The following WDR41 variants were observed in gnomAD, a reference collection of about 807,000 sequenced individuals.
The protein encoded by WDR41 is WD repeat-containing protein 41.
WDR41 carries 63 observed loss-of-function variants against 69.3 expected under a neutral mutation model. The ratio of observed to expected loss-of-function variants is 0.91; its 90% confidence interval spans 0.74 to 1.12. WDR41 has a LOEUF of 1.12. WDR41 is among the 50% of genes most tolerant of loss of function. The probability of loss-of-function intolerance (pLI) is 0.00; values close to 1 mark genes in which losing one functional copy is unlikely to be tolerated. For synonymous variants in WDR41, 185 were observed against 192.1 expected (o/e 0.96, Z 0.31); for missense variants, 543 against 534.5 (o/e 1.02, Z -0.16).
At chr5:77,593,457 CAGG>C (rs1744167158) in intron 1 of WDR41, among the ~76,000 whole-genome samples, 1 of 151,878 alleles carries the variant, frequency 6.6e-6, no homozygotes, top group Non-Finnish European at 1.5e-5. Context: ...TGTCCAGCAA[CAGG>C]AGAATGATTA....
At chr5:77,523,478 C>T (rs1373287389) in intron 1 of WDR41, among the ~76,000 whole-genome samples, 1 of 151,854 alleles carries the variant, frequency 6.6e-6, no homozygotes, top group Non-Finnish European at 1.5e-5. Context: ...ACGTGCTTTG[C>T]TTGTTACTGT....
intron 1 of WDR41, among the ~76,000 whole-genome samples, chr5:77,567,652 A>G (rs1274301519): frequency 1.4e-5 from 2 of 145,810 alleles, no homozygotes; most frequent in Non-Finnish European, 3.0e-5. Flanking sequence ...CAATTACCCT[A>G]AACCAAATAG....
intron 1 of WDR41, among the ~76,000 whole-genome samples, chr5:77,583,712 C>CA (rs1397249126): frequency 6.6e-6 from 1 of 151,956 alleles, no homozygotes; most frequent in Non-Finnish European, 1.5e-5. Flanking sequence ...ATCCCAATTC[C>CA]AAAAAATAGC....
At chr5:77,478,002 G>A (rs1801030804) in intron 2 of WDR41, among the ~76,000 whole-genome samples, 1 of 152,040 alleles carries the variant, frequency 6.6e-6, no homozygotes, top group Non-Finnish European at 1.5e-5. Flanking sequence ...TATCACCACT[G>A]ATCCCACAGA....
At chr5:77,468,403 A>G (rs1191373940) in intron 2 of WDR41, among the ~76,000 whole-genome samples, 2 of 152,158 alleles carry the variant, frequency 1.3e-5, no homozygotes, top group Non-Finnish European at 2.9e-5. Context: ...ATGTATAAAA[A>G]TAATTCCCTC....
At chr5:77,620,577 T>C (rs1010535416) in exon 1 of WDR41, 15 of 448,278 alleles carry the variant, frequency 3.3e-5, no homozygotes, top group African/African-American at 2.4e-4. Flanking sequence ...TGCGCTCACC[T>C]GAGCAACCAC....
At chr5:77,495,099 C>T (rs1561206135), upstream of WDR41, among the ~76,000 whole-genome samples, 4 of 151,964 alleles carry the variant, frequency 2.6e-5, no homozygotes, top group African/African-American at 9.7e-5. Flanking sequence ...GACAAAAACA[C>T]AACACGACAA....
intron 1 of WDR41, among the ~76,000 whole-genome samples, chr5:77,506,296 A>G (rs1217867576): frequency 6.6e-6 from 1 of 152,258 alleles, no homozygotes; most frequent in Non-Finnish European, 1.5e-5. Flanking sequence ...AATGCTCATC[A>G]TCACTGGTCA....
At chr5:77,484,109 C>T (rs144529813) in intron 2 of WDR41, among the ~76,000 whole-genome samples, 18 of 152,304 alleles carry the variant, frequency 1.2e-4, no homozygotes, top group Admixed American at 6.5e-4. Context: ...TAGACACTTG[C>T]TGTCCTTATC....
chr5:77,434,202 T>A (rs1798846419), intron 12 of WDR41, among the ~76,000 whole-genome samples: 1 of 151,810 alleles, frequency 6.6e-6, no homozygotes, highest in South Asian at 2.1e-4. Context: ...TCCCAGCTAC[T>A]CGGGAGGCCG....
chr5:77,509,487 T>C (rs1802165944), intron 1 of WDR41, among the ~76,000 whole-genome samples: 1 of 152,236 alleles, frequency 6.6e-6, no homozygotes, highest in African/African-American at 2.4e-5. Context: ...AGCAAAATGT[T>C]GTATAACCAT....
chr5:77,584,104 A>C (rs562008163), intron 1 of WDR41, among the ~76,000 whole-genome samples: 1 of 152,332 alleles, frequency 6.6e-6, no homozygotes, highest in East Asian at 1.9e-4. Context: ...TTATTAAAAG[A>C]CATCTGTGAA....
chr5:77,460,438 A>G (rs1409569430), intron 4 of WDR41, among the ~76,000 whole-genome samples: 2 of 152,138 alleles, frequency 1.3e-5, no homozygotes, highest in Non-Finnish European at 2.9e-5. Flanking sequence ...CAGCCTTTTC[A>G]CTTATTTCAC....
chr5:77,433,914 G>C (rs1398018091), intron 12 of WDR41, among the ~76,000 whole-genome samples: 1 of 152,244 alleles, frequency 6.6e-6, no homozygotes, highest in African/African-American at 2.4e-5. Context: ...GAATAGGCTG[G>C]AAGCTAAGAA....
intron 12 of WDR41, among the ~76,000 whole-genome samples, chr5:77,433,621 G>A (rs1363287619): frequency 6.6e-6 from 1 of 152,106 alleles, no homozygotes; most frequent in Non-Finnish European, 1.5e-5. Context: ...TGGAAAAAAT[G>A]TCTGAATTCT....
chr5:77,477,319 C>T (rs1465551610), intron 2 of WDR41, among the ~76,000 whole-genome samples: 2 of 150,444 alleles, frequency 1.3e-5, no homozygotes, highest in South Asian at 2.1e-4. Flanking sequence ...CTGCACCAAG[C>T]AGACCTAATA....
chr5:77,482,964 G>C (rs1801347313), intron 2 of WDR41, among the ~76,000 whole-genome samples: 1 of 151,358 alleles, frequency 6.6e-6, no homozygotes, highest in Non-Finnish European at 1.5e-5. Flanking sequence ...TCACAGATGA[G>C]ATGGCACCAA....
chr5:77,433,735 G>A (rs1184288864), intron 12 of WDR41, among the ~76,000 whole-genome samples: 1 of 137,774 alleles, frequency 7.3e-6, no homozygotes, highest in Non-Finnish European at 1.6e-5. Context: ...CTACCCTCAA[G>A]AAGATTCTGA....
chr5:77,538,040 A>C (rs937812284), intron 1 of WDR41, among the ~76,000 whole-genome samples: 3 of 152,216 alleles, frequency 2.0e-5, no homozygotes, highest in Middle Eastern at 3.4e-3. Context: ...CCACCACCCA[A>C]ATAATATACA....
Sources: allele counts gnomAD v4.1 joint callset (sites outside exome capture counted in the v4.1 genomes callset), GRCh38; gene constraint gnomAD v4.1.1; transcripts MANE v1.5; gene names NCBI Gene and HGNC (gene_info 2026-07-23, HGNC 2026-07-21).